Variants in SNX10 observed in about 807,000 individuals in gnomAD.
SNX10 encodes the protein sorting nexin-10.
SNX10 carries 25 observed loss-of-function variants against 28.5 expected under a neutral mutation model. The ratio of observed to expected loss-of-function variants is 0.88; its 90% CI spans 0.64 to 1.22. The LOEUF (loss-of-function observed/expected upper bound fraction) is 1.22, where lower values mean the gene tolerates loss of function less well. SNX10 is among the 50% of genes most tolerant of loss of function. The pLI, the probability that SNX10 is intolerant of heterozygous loss-of-function variation, is 0.00. For missense variants in SNX10, 223 were observed against 242.6 expected (o/e 0.92, Z 0.54); for synonymous variants, 62 against 81.4 (o/e 0.76, Z 1.28).
chr7:26,302,929 G>A (rs1327340506), intron 1 of SNX10, among the ~76,000 whole-genome samples: 2 of 152,124 alleles, frequency 1.3e-5, no homozygotes, highest in African/African-American at 2.4e-5. Context: ...CTGGGCGACA[G>A]AGTGAGACTC....
chr7:26,325,306 A>AATATATATATATATAT (rs149785859), intron 1 of SNX10, among the ~76,000 whole-genome samples: 757 of 51,312 alleles, frequency 0.015, 85 homozygotes, highest in African/African-American at 0.03. Context: ...AAGTTTGCAA[A>AATATATATATATATAT]ATATATATAT....
intron 1 of SNX10, among the ~76,000 whole-genome samples, chr7:26,297,460 A>C (rs1786154788): frequency 6.6e-6 from 1 of 152,224 alleles, no homozygotes; most frequent in Non-Finnish European, 1.5e-5. Flanking sequence ...TTCAGAGACC[A>C]TAAAGGAAAA....
chr7:26,367,084 C>A (rs1370958003), intron 5 of SNX10, among the ~76,000 whole-genome samples: 1 of 152,064 alleles, frequency 6.6e-6, no homozygotes, highest in East Asian at 1.9e-4. Context: ...TCCTTTTAAG[C>A]CTTTGTTTGC....
At chr7:26,353,552 C>T (rs1006937483) in intron 2 of SNX10, among the ~76,000 whole-genome samples, 10 of 149,852 alleles carry the variant, frequency 6.7e-5, no homozygotes, top group East Asian at 2.0e-4. Context: ...CCCAGACTCA[C>T]GCAATTCTCC....
At chr7:26,302,292 C>T (rs1786400224) in intron 1 of SNX10, among the ~76,000 whole-genome samples, 1 of 152,144 alleles carries the variant, frequency 6.6e-6, no homozygotes. Flanking sequence ...GCTGTGTGGG[C>T]CCAGAATCTT....
chr7:26,374,229 A>T lies in SNX10; in HGVS notation c.*1657A>T, dbSNP rs1258727392. On this transcript the variant is annotated 3_prime_UTR_variant, in exon 7 of 7. Transcript: ENST00000338523. ...CCACCAATTGTCATATTATTTTTAG[A>T]TGATGTAACATAGCCATCAAAATTA... 1 of 152,018 alleles carries T rather than the reference A, an allele frequency of 6.6e-6. No homozygotes were observed. Among genetic ancestry groups the T allele is most frequent in the African/African-American group, 2.4e-5 (1 of 41,434 alleles). 9.4% of individuals were successfully genotyped at this position (152,018 alleles called of 1,614,324 possible). A position where few individuals can be genotyped will look rare whatever the true frequency, so the allele number is the denominator to read the frequency against.
At chr7:26,322,496 A>G (rs1584115150) in intron 1 of SNX10, among the ~76,000 whole-genome samples, 1 of 152,210 alleles carries the variant, frequency 6.6e-6, no homozygotes, top group Non-Finnish European at 1.5e-5. Context: ...CCAATTTGTT[A>G]TTAAAAACTT....
intron 2 of SNX10, chr7:26,357,090 C>A (rs1227561609): frequency 3.4e-5 from 40 of 1,192,826 alleles, no homozygotes; most frequent in Non-Finnish European, 4.3e-5. Context: ...CCTAAGCTGC[C>A]CTACAGGAGC....
At chr7:26,355,702 GAA>G (rs575432628) in intron 2 of SNX10, among the ~76,000 whole-genome samples, 394 of 152,238 alleles carry the variant, frequency 2.6e-3, no homozygotes, top group African/African-American at 8.8e-3. Flanking sequence ...AATAAAAGCA[GAA>G]AAAACTTCCC....
Position 26,374,368 on chromosome 7 carries a change from C to T in SNX10, c.*1796C>T, listed in dbSNP as rs1367913675. ...CTTATTTTATACAAGAGAATATATT[C>T]TGCCTTAGACCCAAACTCAGTGTTT... On this transcript the variant is annotated 3_prime_UTR_variant, in exon 7 of 7. Transcript: ENST00000338523. 7 of 152,014 alleles carry T rather than the reference C, an allele frequency of 4.6e-5. No individual in the cohort carries two copies. The highest frequency in any genetic ancestry group is 1.0e-4 in the Non-Finnish European group (7 of 67,912). 9.4% of individuals were successfully genotyped at this position (152,014 alleles called of 1,614,324 possible). A position where few individuals can be genotyped will look rare whatever the true frequency, so the allele number is the denominator to read the frequency against.
chr7:26,359,703 C>T (rs1338599738), intron 2 of SNX10, among the ~76,000 whole-genome samples: 4 of 149,808 alleles, frequency 2.7e-5, no homozygotes, highest in African/African-American at 4.9e-5. Context: ...CTTGCTCTGT[C>T]GCCAGGCTGG....
rs1787457774 is a variant in SNX10, at chr7:26,325,306, A to ATATATATATAT, written c.-23-21114_-23-21113insTATATATATAT. On this transcript the variant is annotated intron_variant, in intron 1 of 6. Transcript: ENST00000338523. ...AATTTTTTTCTACTGAAGTTTGCAAAATATATATATATATATATATATTTG... is the reference window on the plus strand; with the variant it reads ...AATTTTTTTCTACTGAAGTTTGCAAATATATATATATATATATATATATATATATATATTTG... 4.3e-4 allele frequency among the ~76,000 whole-genome samples: 22 copies of ATATATATATAT among 51,376 alleles called. 3 individuals carry two copies. The highest frequency in any genetic ancestry group is 8.4e-4 in the Non-Finnish European group (15 of 17,950). 33.7% of individuals were successfully genotyped at this position (51,376 alleles called of 152,430 possible).
Position 26,364,938 on chromosome 7 carries a change from C to A in SNX10, c.213-109C>A, listed in dbSNP as rs1584174905. The A allele has an allele frequency of 4.0e-5, 26 of 655,344 alleles. No homozygotes were observed. In the South Asian group the frequency reaches 4.6e-4, roughly 12 times the overall value. The allele number at this position is 655,344 out of a possible 1,614,324, so 40.6% of individuals were successfully genotyped here. A position where few individuals can be genotyped will look rare whatever the true frequency, so the allele number is the denominator to read the frequency against. On this transcript the variant is annotated intron_variant, in intron 4 of 6. Transcript: ENST00000338523. This position sits in a 1 kb window ranked among gnomAD's most constrained non-coding sequence, Gnocchi z 4.9. ...ATGTATAATCATAATTATAGAATAA[C>A]TGTGTGATAATAATCATCATACATA...
intron 1 of SNX10, among the ~76,000 whole-genome samples, chr7:26,320,552 C>T (rs1440339690): frequency 1.3e-5 from 2 of 152,088 alleles, no homozygotes; most frequent in African/African-American, 4.8e-5. Context: ...CCTGCCTCAG[C>T]CTCCCGAGTA....
At chr7:26,362,306 C>A (rs1789107867) in intron 3 of SNX10, among the ~76,000 whole-genome samples, 2 of 152,118 alleles carry the variant, frequency 1.3e-5, no homozygotes, top group Non-Finnish European at 2.9e-5. Flanking sequence ...GTTTTAGTTG[C>A]CTTCTAACTT....
intron 1 of SNX10, among the ~76,000 whole-genome samples, chr7:26,300,198 G>A (rs900930038): frequency 2.0e-5 from 3 of 152,052 alleles, no homozygotes; most frequent in African/African-American, 7.2e-5. Flanking sequence ...GCAACAGAGC[G>A]AGACTCTGTC....
At chr7:26,353,459 T>TG (rs1554359899) in intron 2 of SNX10, among the ~76,000 whole-genome samples, 780 of 58,096 alleles carry the variant, frequency 0.013, 38 homozygotes, top group South Asian at 0.044. Context: ...TTTTTTTTTT[T>TG]TGGTGGGGAG....
At chr7:26,365,212 G>A (rs1732821867) in intron 5 of SNX10, 67 bp downstream of exon 5, 8 of 909,796 alleles carry the variant, frequency 8.8e-6, no homozygotes, top group Middle Eastern at 2.2e-4. Flanking sequence ...GAGCTGCATG[G>A]TGGTGTGGGG....
intron 1 of SNX10, among the ~76,000 whole-genome samples, chr7:26,306,578 T>C (rs968406960): frequency 6.6e-6 from 1 of 151,994 alleles, no homozygotes; most frequent in African/African-American, 2.4e-5. Context: ...CTAATGTTTT[T>C]GTATTTTTGT....
Sources: allele counts gnomAD v4.1 joint callset (sites outside exome capture counted in the v4.1 genomes callset), GRCh38; gene constraint gnomAD v4.1.1; non-coding constraint Gnocchi (gnomAD v3.1); transcripts MANE v1.5; gene names NCBI Gene and HGNC (gene_info 2026-07-23, HGNC 2026-07-21).